XKR9: variants seen among roughly 807,000 people sequenced by gnomAD.
XKR9 encodes XK related 9, also known as XK-related protein 9.
In XKR9, 32 loss-of-function variants were observed where a neutral mutation model predicts 32.0. The ratio of observed to expected loss-of-function variants is 1.00; its 90% CI spans 0.76 to 1.34. The LOEUF (loss-of-function observed/expected upper bound fraction) is 1.34. Among genes scored for constraint, XKR9 ranks in the 40% most tolerant of loss-of-function variants. The pLI, the probability that XKR9 is intolerant of heterozygous loss-of-function variation, is 0.00. For synonymous variants in XKR9, 168 were observed against 143.4 expected (o/e 1.17, Z -1.22); for missense variants, 546 against 429.7 (o/e 1.27, Z -2.39).
At chr8:70,755,054 A>G (rs1586884602) in intron 2 of XKR9, among the ~76,000 whole-genome samples, 1 of 152,320 alleles carries the variant, frequency 6.6e-6, no homozygotes, top group African/African-American at 2.4e-5. Flanking sequence ...AATGAACTCA[A>G]ACAAATTTAC....
chr8:70,777,558 T>C (rs959406256), intron 2 of XKR9, among the ~76,000 whole-genome samples: 2 of 152,212 alleles, frequency 1.3e-5, no homozygotes, highest in African/African-American at 4.8e-5. Context: ...GTTGAACTAA[T>C]TTACACTCCC....
At chr8:70,672,567 A>G (rs2132093865) in intron 1 of XKR9, among the ~76,000 whole-genome samples, 1 of 152,316 alleles carries the variant, frequency 6.6e-6, no homozygotes, top group Admixed American at 6.5e-5. Context: ...TCCCTTTGAT[A>G]TACAAATAGT....
chr8:70,788,678 T>C (rs2130265379), intron 2 of XKR9, among the ~76,000 whole-genome samples: 1 of 152,262 alleles, frequency 6.6e-6, no homozygotes, highest in East Asian at 1.9e-4. Context: ...ATTTAGCTTA[T>C]GTATATAACT....
intron 2 of XKR9, among the ~76,000 whole-genome samples, chr8:70,762,315 C>G (rs1345732638): frequency 6.6e-6 from 1 of 152,162 alleles, no homozygotes; most frequent in Non-Finnish European, 1.5e-5. Context: ...CTGGTAACTT[C>G]TGTTCCAGGA....
At chr8:70,862,232 T>G in the XKR9 span, among the ~76,000 whole-genome samples, 2 of 152,142 alleles carry the variant, frequency 1.3e-5, no homozygotes, top group Admixed American at 1.3e-4. Flanking sequence ...ATTTTTTATA[T>G]TTTCTCTTTT....
chr8:70,758,576 A>G (rs571921432), intron 2 of XKR9, among the ~76,000 whole-genome samples: 1 of 152,310 alleles, frequency 6.6e-6, no homozygotes, highest in South Asian at 2.1e-4. Context: ...TACCCAGATA[A>G]TGTGGAATCA....
At chr8:70,953,290 A>G in the XKR9 span, among the ~76,000 whole-genome samples, 3 of 152,148 alleles carry the variant, frequency 2.0e-5, no homozygotes, top group African/African-American at 4.8e-5. Context: ...ACACTACTAC[A>G]ATTTCCATAC....
At chr8:70,899,182 T>C in the XKR9 span, among the ~76,000 whole-genome samples, 1 of 152,170 alleles carries the variant, frequency 6.6e-6, no homozygotes, top group African/African-American at 2.4e-5. Flanking sequence ...TTGTCTTCGG[T>C]GTAAGGCATT....
Position 70,707,172 on chromosome 8 carries a change from C to T in XKR9, c.493+19C>T, listed in dbSNP as rs759529636. ...AGTCAGTGTAAGTTTTTCTTAACTC[C>T]TTGTGTTAAATGGATGCCACTGAGA... On this transcript the variant is annotated intron_variant, in intron 4 of 4. Transcript: ENST00000408926. 1.9e-6 allele frequency: 3 copies of T among 1,601,292 alleles called. No homozygotes were observed. Among genetic ancestry groups the T allele is most frequent in the Non-Finnish European group, 2.6e-6 (3 of 1,169,896 alleles).
chr8:71,017,372 A>T, the XKR9 span, among the ~76,000 whole-genome samples: 1 of 152,158 alleles, frequency 6.6e-6, no homozygotes, highest in African/African-American at 2.4e-5. Flanking sequence ...CGTTCTGCTT[A>T]TTGTTTGAAT....
intron 2 of XKR9, among the ~76,000 whole-genome samples, chr8:70,764,898 A>G (rs1303695993): frequency 6.6e-6 from 1 of 152,150 alleles, no homozygotes; most frequent in African/African-American, 2.4e-5. Flanking sequence ...AGCTTCATCC[A>G]TGTCCCTGCA....
chr8:70,783,213 G>A (rs1354438822), intron 2 of XKR9, among the ~76,000 whole-genome samples: 1 of 151,266 alleles, frequency 6.6e-6, no homozygotes, highest in Non-Finnish European at 1.5e-5. Flanking sequence ...ATGTCTGTTG[G>A]CCATTTGTAT....
At chr8:70,999,973 C>T in the XKR9 span, among the ~76,000 whole-genome samples, 1 of 152,126 alleles carries the variant, frequency 6.6e-6, no homozygotes, top group Non-Finnish European at 1.5e-5. Context: ...TAAAATGAAT[C>T]AATTTCTCTT....
chr8:70,948,091 G>A, the XKR9 span, among the ~76,000 whole-genome samples: 1 of 152,108 alleles, frequency 6.6e-6, no homozygotes, highest in Non-Finnish European at 1.5e-5. Flanking sequence ...TAAGATGAAA[G>A]CTCCTGCCCA....
the XKR9 span, among the ~76,000 whole-genome samples, chr8:70,904,289 T>C: frequency 1.3e-5 from 2 of 152,182 alleles, no homozygotes; most frequent in African/African-American, 4.8e-5. Context: ...GCTTTATGAA[T>C]CTGGTTGCTC....
the XKR9 span, among the ~76,000 whole-genome samples, chr8:70,826,724 G>C: frequency 6.6e-6 from 1 of 152,064 alleles, no homozygotes; most frequent in Non-Finnish European, 1.5e-5. Flanking sequence ...CTCAAATGTT[G>C]TCTGTGTAGA....
chr8:70,928,496 A>C, the XKR9 span, among the ~76,000 whole-genome samples: 1 of 152,156 alleles, frequency 6.6e-6, no homozygotes, highest in South Asian at 2.1e-4. Flanking sequence ...AGGTTAATGA[A>C]ATATGTGCAA....
intron 3 of XKR9, among the ~76,000 whole-genome samples, chr8:70,688,658 C>T (rs527853932): frequency 3.2e-4 from 49 of 151,646 alleles, no homozygotes; most frequent in Middle Eastern, 3.5e-3. Flanking sequence ...CCTCGTGAGC[C>T]GCCCGCCTCG....
chr8:70,943,154 C>T, the XKR9 span, among the ~76,000 whole-genome samples: 1 of 152,146 alleles, frequency 6.6e-6, no homozygotes, highest in African/African-American at 2.4e-5. Flanking sequence ...GTTGAAAAAC[C>T]TATTCAGTAT....
Sources: allele counts gnomAD v4.1 joint callset (sites outside exome capture counted in the v4.1 genomes callset), GRCh38; gene constraint gnomAD v4.1.1; transcripts MANE v1.5; gene names NCBI Gene and HGNC (gene_info 2026-07-23, HGNC 2026-07-21).